The following CPEB1 variants were observed in gnomAD, a reference collection of about 807,000 sequenced individuals.
The protein encoded by CPEB1 is cytoplasmic polyadenylation element binding protein 1.
Under a neutral mutation model 65.8 loss-of-function variants are expected in CPEB1, and 7 were observed. That is an observed-to-expected ratio of 0.11 (90% CI 0.06 to 0.20). The LOEUF is 0.20. Ranked by LOEUF, CPEB1 falls within the 10% of genes least tolerant of loss-of-function variation. The pLI is 1.00. For missense variants in CPEB1, 551 were observed against 712.2 expected (o/e 0.77, Z 2.58); for synonymous variants, 262 against 260.0 (o/e 1.01, Z -0.08).
chr15:82,550,050 TCA>T (rs1456565459), intron 9 of CPEB1, among the ~76,000 whole-genome samples: 7 of 152,216 alleles, frequency 4.6e-5, no homozygotes, highest in African/African-American at 1.7e-4. Flanking sequence ...AAGGAAGGAC[TCA>T]CAGAGAAATT....
At chr15:82,553,604 C>T in intron 7 of CPEB1, 48 bp from the exon 8 acceptor site, 1 of 1,352,982 alleles carries the variant, frequency 7.4e-7, no homozygotes, top group Non-Finnish European at 1.1e-6. Flanking sequence ...ACCATCTTTC[C>T]CAGTAAAGAC....
intron 1 of CPEB1, among the ~76,000 whole-genome samples, chr15:82,645,937 A>G (rs981744845): frequency 6.6e-6 from 1 of 152,090 alleles, no homozygotes; most frequent in Non-Finnish European, 1.5e-5. Context: ...GTGCTCTGGG[A>G]ATACAGTTCA....
In CPEB1 at chr15:82,543,889, A is replaced by C. The variant is rs1436483639; in HGVS notation, c.*703T>G. 2.0e-5 allele frequency: 3 copies of C among 152,334 alleles called. No homozygotes were observed. Among genetic ancestry groups the C allele is most frequent in the Non-Finnish European group, 4.4e-5 (3 of 68,038 alleles). 9.4% of individuals were successfully genotyped at this position (152,334 alleles called of 1,614,324 possible). On this transcript the variant is annotated 3_prime_UTR_variant, in exon 13 of 13. Transcript: ENST00000684509. ...GAGAAACAGTGACCAGCAGTCCCCC[A>C]GACACAAATTTGCTATAATGTTAAA...
At chr15:82,565,651 T>G (rs1204779089) in intron 4 of CPEB1, among the ~76,000 whole-genome samples, 1 of 152,200 alleles carries the variant, frequency 6.6e-6, no homozygotes, top group Non-Finnish European at 1.5e-5. Flanking sequence ...TGTCAAGTAT[T>G]AACCTAGATG....
intron 1 of CPEB1, among the ~76,000 whole-genome samples, chr15:82,636,714 C>G (rs1328647526): frequency 6.6e-6 from 1 of 152,186 alleles, no homozygotes; most frequent in African/African-American, 2.4e-5. Context: ...TGTATCTCAG[C>G]ACTGCCCCAG....
rs184122028 is a variant in CPEB1, at chr15:82,626,389, A to C, written c.271+804T>G. 4.2e-3 allele frequency among the ~76,000 whole-genome samples: 632 copies of C among 151,972 alleles called. 4 individuals carry two copies. The highest frequency in any genetic ancestry group is 6.9e-3 in the Non-Finnish European group (471 of 67,936). On this transcript the variant is annotated intron_variant, in intron 3 of 12. Transcript: ENST00000684509. ...TTGGAGGTTGCAGTGAGCCGAGATC[A>C]CACCACTGCACTCCAACCTGGCAAC...
intron 4 of CPEB1, among the ~76,000 whole-genome samples, chr15:82,566,885 C>T (rs960719628): frequency 6.6e-6 from 1 of 152,062 alleles, no homozygotes; most frequent in African/African-American, 2.4e-5. Flanking sequence ...CTAGAAGCTA[C>T]AGGGCCCAAG....
At chr15:82,617,325 T>C (rs2044814857) in intron 3 of CPEB1, among the ~76,000 whole-genome samples, 1 of 152,228 alleles carries the variant, frequency 6.6e-6, no homozygotes. Context: ...TGTTTCCAGG[T>C]TTTGGCTATT....
chr15:82,608,763 G>GATTTT (rs61473491), intron 3 of CPEB1, among the ~76,000 whole-genome samples: 77,225 of 151,350 alleles, frequency 0.51, 20,057 homozygotes, highest in African/African-American at 0.63. Context: ...CCTGATCATT[G>GATTTT]ATTTTATTTT....
chr15:82,646,424 G>C (rs915415600), intron 1 of CPEB1, among the ~76,000 whole-genome samples: 4 of 152,174 alleles, frequency 2.6e-5, no homozygotes, highest in Non-Finnish European at 5.9e-5. Context: ...AGAGAAATGC[G>C]GCGTCAGTCA....
chr15:82,577,011 T>C (rs2040719060), intron 3 of CPEB1, among the ~76,000 whole-genome samples: 1 of 152,042 alleles, frequency 6.6e-6, no homozygotes, highest in Non-Finnish European at 1.5e-5. Context: ...GGTGACAGAG[T>C]GAGACCCCGT....
At chr15:82,596,403 T>C (rs1441755142) in intron 3 of CPEB1, among the ~76,000 whole-genome samples, 1 of 152,166 alleles carries the variant, frequency 6.6e-6, no homozygotes, top group Non-Finnish European at 1.5e-5. Flanking sequence ...TACTAAAAAG[T>C]TCATTAAAAT....
At position 82,638,718 on chromosome 15, in the gene CPEB1, T is replaced by C. The variant is rs192522519; in HGVS notation, c.-98+8419A>G. ...TCACATTTCCTTGAGACAATCATCATACTTGGATATGAAGCAAAAGTACTT... is the reference window on the plus strand; with the variant it reads ...TCACATTTCCTTGAGACAATCATCACACTTGGATATGAAGCAAAAGTACTT... On this transcript the variant is annotated intron_variant, in intron 1 of 12. Transcript: ENST00000684509. 245 of 152,334 alleles carry C rather than the reference T, an allele frequency of 1.6e-3. 1 individual carries two copies. Among genetic ancestry groups the C allele is most frequent in the African/African-American group, 5.7e-3 (235 of 41,568 alleles). 9.4% of individuals were successfully genotyped at this position (152,334 alleles called of 1,614,324 possible). A position where few individuals can be genotyped will look rare whatever the true frequency, so the allele number is the denominator to read the frequency against.
At chr15:82,567,217 G>C (rs562594188) in intron 4 of CPEB1, among the ~76,000 whole-genome samples, 13 of 152,242 alleles carry the variant, frequency 8.5e-5, no homozygotes, top group Admixed American at 7.8e-4. Context: ...TTTGGAAGAA[G>C]CTTCAGATGA....
At chr15:82,620,596 A>G (rs2045218919) in intron 3 of CPEB1, among the ~76,000 whole-genome samples, 1 of 152,126 alleles carries the variant, frequency 6.6e-6, no homozygotes, top group African/African-American at 2.4e-5. Context: ...CCAAGAGTCC[A>G]AGACCAGCCT....
chr15:82,615,028 C>T (rs1172639629), intron 3 of CPEB1, among the ~76,000 whole-genome samples: 1 of 152,116 alleles, frequency 6.6e-6, no homozygotes, highest in Non-Finnish European at 1.5e-5. Context: ...CTTCACAAAA[C>T]CCCTACAAAT....
upstream of CPEB1, chr15:82,647,676 T>A (rs998982064): frequency 2.5e-6 from 1 of 406,426 alleles, no homozygotes; most frequent in Admixed American, 4.8e-5. Context: ...CCTGCCCCCC[T>A]CGCCCTCCAC....
At chr15:82,565,069 G>T (rs2038901686) in intron 4 of CPEB1, among the ~76,000 whole-genome samples, 1 of 152,152 alleles carries the variant, frequency 6.6e-6, no homozygotes, top group African/African-American at 2.4e-5. Context: ...AATCAGAAGG[G>T]ATATACTGTA....
Position 82,547,216 on chromosome 15 carries a change from T to C in CPEB1, c.1502A>G (p.Asn501Ser), listed in dbSNP as rs1049298382. The change falls in exon 11 of 13, where the codon AAT (asparagine) becomes AGT (serine). Residue 501 changes from asparagine (N) to serine (S), a missense_variant. Physicochemically the swap from Asn to Ser is conservative, Grantham distance 46. Coordinates refer to ENST00000684509, the MANE Select transcript of CPEB1 (RefSeq NM_001365242.1). ...TGCTTTCAGGTAACTCCGTTGGTTA[T>C]TGAAAGTCACACGACCAGAACCTAG... ...YPIGSGRVTF[N>S]NQRSYLKAVS... 38 of 1,612,676 alleles carry C rather than the reference T, an allele frequency of 2.4e-5. No individual in the cohort carries two copies. The highest frequency in any genetic ancestry group is 6.7e-5 in the East Asian group (3 of 44,876).
Sources: gnomAD v4.1 joint callset for allele counts (sites outside exome capture counted in the v4.1 genomes callset) on GRCh38, gnomAD v4.1.1 for gene constraint, MANE v1.5 for transcripts, NCBI Gene and HGNC (gene_info 2026-07-23, HGNC 2026-07-21) for gene names.